XKR9: variants seen among roughly 807,000 people sequenced by gnomAD.
XKR9 encodes XK-related protein 9.
XKR9 carries 32 observed loss-of-function variants against 32.0 expected under a neutral mutation model. The ratio of observed to expected loss-of-function variants is 1.00; its 90% confidence interval spans 0.76 to 1.34. The LOEUF is 1.34. Ranked by LOEUF, XKR9 falls within the 40% of genes most tolerant of loss-of-function variation. The pLI is 0.00. For missense variants in XKR9, 546 were observed against 429.7 expected (o/e 1.27, Z -2.39); for synonymous variants, 168 against 143.4 (o/e 1.17, Z -1.22).
chr8:70,726,976 T>C (rs939643412), intron 4 of XKR9, among the ~76,000 whole-genome samples: 3 of 149,296 alleles, frequency 2.0e-5, no homozygotes, highest in African/African-American at 7.6e-5. Context: ...TTCTGACTTC[T>C]TTTTGTTTCC....
chr8:70,993,119 G>A, the XKR9 span, among the ~76,000 whole-genome samples: 2 of 152,116 alleles, frequency 1.3e-5, no homozygotes, highest in African/African-American at 4.8e-5. Context: ...CAGCTTTCCT[G>A]AGTGAACTCA....
intron 3 of XKR9, among the ~76,000 whole-genome samples, chr8:70,687,110 G>A (rs1393689896): frequency 1.3e-5 from 2 of 152,022 alleles, no homozygotes; most frequent in African/African-American, 4.8e-5. Flanking sequence ...CTTACTCCCT[G>A]CTACGCTTCC....
intron 4 of XKR9, among the ~76,000 whole-genome samples, chr8:70,717,209 G>C (rs376578277): frequency 1.3e-5 from 2 of 152,196 alleles, no homozygotes; most frequent in East Asian, 3.8e-4. Context: ...GCTGTTAGTG[G>C]AGATGCCATT....
chr8:70,716,459 A>G (rs1586849854), intron 4 of XKR9, among the ~76,000 whole-genome samples: 1 of 152,130 alleles, frequency 6.6e-6, no homozygotes, highest in Non-Finnish European at 1.5e-5. Context: ...ACTTACTAGC[A>G]TGGCAGAAGG....
At chr8:70,742,539 G>C (rs140432194) in intron 2 of XKR9, among the ~76,000 whole-genome samples, 75 of 152,252 alleles carry the variant, frequency 4.9e-4, no homozygotes, top group Admixed American at 1.0e-3. Context: ...TTTCTCTTCA[G>C]CCTAGATAAT....
At chr8:70,778,740 G>C (rs938716549) in intron 2 of XKR9, among the ~76,000 whole-genome samples, 8 of 151,776 alleles carry the variant, frequency 5.3e-5, no homozygotes, top group Non-Finnish European at 1.0e-4. Flanking sequence ...CATGATTTGG[G>C]TCTCTGTTTG....
the XKR9 span, among the ~76,000 whole-genome samples, chr8:71,039,370 T>C: frequency 6.6e-6 from 1 of 152,190 alleles, no homozygotes; most frequent in African/African-American, 2.4e-5. Context: ...TGAGAACACT[T>C]ACAGTTGGGC....
chr8:71,059,742 A>G, the XKR9 span, among the ~76,000 whole-genome samples: 5 of 152,190 alleles, frequency 3.3e-5, no homozygotes, highest in African/African-American at 1.2e-4. Context: ...TTAGAGCTGG[A>G]AAAGACCAGT....
At chr8:71,014,907 A>C in the XKR9 span, among the ~76,000 whole-genome samples, 1 of 152,128 alleles carries the variant, frequency 6.6e-6, no homozygotes, top group Non-Finnish European at 1.5e-5. Flanking sequence ...TGGGTCCACT[A>C]TTTGCCAGTT....
At chr8:70,801,100 A>C in the XKR9 span, among the ~76,000 whole-genome samples, 4 of 151,390 alleles carry the variant, frequency 2.6e-5, no homozygotes, top group South Asian at 8.4e-4. Flanking sequence ...GTGGTCTATC[A>C]ATCTTATTTA....
At chr8:71,053,997 C>T in the XKR9 span, among the ~76,000 whole-genome samples, 1 of 152,200 alleles carries the variant, frequency 6.6e-6, no homozygotes, top group South Asian at 2.1e-4. Flanking sequence ...TGGCCAAGAG[C>T]CAATATCAAC....
chr8:70,829,541 C>T, the XKR9 span, among the ~76,000 whole-genome samples: 4 of 152,158 alleles, frequency 2.6e-5, no homozygotes, highest in South Asian at 2.1e-4. Context: ...CTCCGCCTCC[C>T]GGGTTCACGC....
chr8:70,857,362 T>G, the XKR9 span, among the ~76,000 whole-genome samples: 1 of 152,150 alleles, frequency 6.6e-6, no homozygotes, highest in African/African-American at 2.4e-5. Flanking sequence ...GCAAATAAAC[T>G]AGAAAATCTA....
At chr8:70,751,204 T>C (rs1807135425) in intron 2 of XKR9, among the ~76,000 whole-genome samples, 1 of 152,178 alleles carries the variant, frequency 6.6e-6, no homozygotes, top group South Asian at 2.1e-4. Context: ...TTCGGCTCAC[T>C]GCAGCCTCCG....
intron 2 of XKR9, among the ~76,000 whole-genome samples, chr8:70,787,084 A>G (rs1204804942): frequency 6.6e-6 from 1 of 152,142 alleles, no homozygotes; most frequent in East Asian, 1.9e-4. Context: ...ATCCTGGAGC[A>G]AAGCTTGTTT....
the XKR9 span, among the ~76,000 whole-genome samples, chr8:70,946,935 C>A: frequency 2.0e-5 from 3 of 152,128 alleles, no homozygotes; most frequent in Admixed American, 6.5e-5. Flanking sequence ...GGGAACTTTA[C>A]AGCCGAAAGA....
At chr8:70,935,231 A>G in the XKR9 span, among the ~76,000 whole-genome samples, 1 of 150,712 alleles carries the variant, frequency 6.6e-6, no homozygotes, top group African/African-American at 2.4e-5. Flanking sequence ...ACACACATAC[A>G]CATTTGATAC....
the XKR9 span, among the ~76,000 whole-genome samples, chr8:70,843,196 T>G: frequency 6.6e-6 from 1 of 152,198 alleles, no homozygotes; most frequent in Non-Finnish European, 1.5e-5. Context: ...ATTTGGTATA[T>G]AGAGGCCATA....
downstream of XKR9, among the ~76,000 whole-genome samples, chr8:70,736,940 C>T (rs373187563): frequency 8.0e-4 from 113 of 141,340 alleles, no homozygotes; most frequent in Middle Eastern, 7.1e-3. Flanking sequence ...AGGATTGACT[C>T]GGCGATGCGG....
Sources: gnomAD v4.1 joint callset for allele counts (sites outside exome capture counted in the v4.1 genomes callset) on GRCh38, gnomAD v4.1.1 for gene constraint, MANE v1.5 for transcripts, NCBI Gene and HGNC (gene_info 2026-07-23, HGNC 2026-07-21) for gene names.